The following CPNE3 variants were observed in gnomAD, a reference collection of about 807,000 sequenced individuals.
CPNE3 encodes copine-3.
A neutral mutation model predicts 63.9 loss-of-function variants in CPNE3; 68 were observed. The observed-to-expected ratio is 1.06, with a 90% confidence interval of 0.87 to 1.30. CPNE3 has a LOEUF of 1.30. Among genes scored for constraint, CPNE3 ranks in the 50% most tolerant of loss-of-function variants. The pLI, the probability that CPNE3 is intolerant of heterozygous loss-of-function variation, is 0.00. For synonymous variants in CPNE3, 219 were observed against 197.5 expected (o/e 1.11, Z -0.91); for missense variants, 665 against 578.1 (o/e 1.15, Z -1.54).
At chr8:86,553,664 C>A (rs375691897) in intron 14 of CPNE3, among the ~76,000 whole-genome samples, 3 of 151,966 alleles carry the variant, frequency 2.0e-5, no homozygotes, top group African/African-American at 7.2e-5. Flanking sequence ...GTAAGTGACA[C>A]ATGACTGTAT....
At chr8:86,546,764 C>T (rs574508491) in intron 10 of CPNE3, 83 bp downstream of exon 10, 30 of 1,439,038 alleles carry the variant, frequency 2.1e-5, no homozygotes, top group Middle Eastern at 2.5e-4. Context: ...CAGGCTGGAG[C>T]GCAGTGGTGT....
At chr8:86,549,337 G>C (rs1370392930) in intron 12 of CPNE3, among the ~76,000 whole-genome samples, 1 of 152,068 alleles carries the variant, frequency 6.6e-6, no homozygotes, top group African/African-American at 2.4e-5. Flanking sequence ...AGTAGTGAGA[G>C]CTTAGAAAGG....
chr8:86,524,653 A>G (rs547325216), intron 2 of CPNE3: 3 of 148,276 alleles, frequency 2.0e-5, no homozygotes, highest in African/African-American at 7.3e-5. Context: ...AAGAGTATAA[A>G]ACGTTTGTTT....
chr8:86,535,093 A>G (rs1820774907), intron 6 of CPNE3, among the ~76,000 whole-genome samples: 1 of 152,194 alleles, frequency 6.6e-6, no homozygotes, highest in African/African-American at 2.4e-5. Context: ...TGGGATGACA[A>G]GAGCTTCAAA....
intron 8 of CPNE3, 94 bp downstream of exon 8, chr8:86,540,428 A>G (rs1208475261): frequency 7.3e-6 from 4 of 551,190 alleles, no homozygotes; most frequent in African/African-American, 2.0e-5. Context: ...TAAAGAAAGT[A>G]AATGATGTAA....
intron 2 of CPNE3, among the ~76,000 whole-genome samples, chr8:86,526,967 T>A (rs1820555502): frequency 6.6e-6 from 1 of 152,214 alleles, no homozygotes. Flanking sequence ...ATTATCAAAA[T>A]TTTTAAATAA....
In CPNE3 at chr8:86,551,043, T is replaced by A; in HGVS notation, c.1014-3T>A. 6.3e-7 allele frequency: 1 copy of A among 1,588,520 alleles called. No individual in the cohort carries two copies. Among genetic ancestry groups the A allele is most frequent in the Non-Finnish European group, 8.6e-7 (1 of 1,167,960 alleles). On this transcript the variant is annotated splice_region_variant and splice_polypyrimidine_tract_variant and intron_variant, in intron 12 of 16. Transcript: ENST00000517490. ...ATTTTATTAAATATTTTTTTCTTTTTAGTGATAAGATGTTTCCAGCTTTTG... is the reference window on the plus strand; with the variant it reads ...ATTTTATTAAATATTTTTTTCTTTTAAGTGATAAGATGTTTCCAGCTTTTG...
At chr8:86,546,522 A>G (rs1452631124) in intron 9 of CPNE3, 73 bp from the exon 10 acceptor site, 1 of 1,491,438 alleles carries the variant, frequency 6.7e-7, no homozygotes, top group East Asian at 2.3e-5. Flanking sequence ...AAAAAAAGTC[A>G]TTCATTTAAA....
chr8:86,520,252 T>C (rs1041843560), intron 2 of CPNE3, among the ~76,000 whole-genome samples: 4 of 152,186 alleles, frequency 2.6e-5, no homozygotes, highest in African/African-American at 9.6e-5. Flanking sequence ...CTCTTAGGTT[T>C]AACAGCTGAA....
At chr8:86,540,709 T>C (rs1223207230) in intron 8 of CPNE3, among the ~76,000 whole-genome samples, 2 of 152,216 alleles carry the variant, frequency 1.3e-5, no homozygotes, top group East Asian at 3.9e-4. Context: ...TAGAAGCAGA[T>C]GTTACCGTAA....
At chr8:86,540,178 G>C in intron 7 of CPNE3, 67 bp from the exon 8 acceptor site, 1 of 907,316 alleles carries the variant, frequency 1.1e-6, no homozygotes. Flanking sequence ...AACCTAGGAA[G>C]GGCAGGAGCA....
intron 7 of CPNE3, among the ~76,000 whole-genome samples, chr8:86,539,669 T>TTG (rs1218921363): frequency 1.4e-5 from 2 of 146,398 alleles, no homozygotes; most frequent in Non-Finnish European, 3.0e-5. Context: ...AGTTTTTTTT[T>TTG]TTTTTTTTTT....
chr8:86,547,664 C>T (rs1389924886), intron 10 of CPNE3, 47 bp from the exon 11 acceptor site: 5 of 833,050 alleles, frequency 6.0e-6, no homozygotes, highest in Admixed American at 5.8e-5. Context: ...TTTTGCTTCT[C>T]TTGTATAGTA....
chr8:86,552,636 C>G (rs1821206956), intron 14 of CPNE3, among the ~76,000 whole-genome samples: 1 of 151,240 alleles, frequency 6.6e-6, no homozygotes, highest in Non-Finnish European at 1.5e-5. Flanking sequence ...TACTATACAG[C>G]AAAAAGCTCA....
Position 86,558,446 on chromosome 8 carries a change from A to G in CPNE3, c.*36A>G, listed in dbSNP as rs1821370461. The G allele has an allele frequency of 1.1e-6, 1 of 871,996 alleles. No individual in the cohort carries two copies. Among genetic ancestry groups the G allele is most frequent in the Non-Finnish European group, 2.0e-6 (1 of 501,014 alleles). 54.0% of individuals were successfully genotyped at this position (871,996 alleles called of 1,614,324 possible). On this transcript the variant is annotated 3_prime_UTR_variant, in exon 17 of 17. Coordinates refer to ENST00000517490, the MANE Select transcript of CPNE3 (RefSeq NM_003909.5). ...AGAATTCTTTTGTGTTATGTGGAGC[A>G]ATGCCATCTCTCACCCCAAATCGTG...
chr8:86,536,178 A>C (rs1000608791), intron 6 of CPNE3, among the ~76,000 whole-genome samples: 7 of 151,018 alleles, frequency 4.6e-5, no homozygotes, highest in Non-Finnish European at 7.4e-5. Context: ...TCTGTTTCCT[A>C]AATATCTAAG....
At chr8:86,546,891 A>G (rs1184646196) in intron 10 of CPNE3, among the ~76,000 whole-genome samples, 3 of 152,060 alleles carry the variant, frequency 2.0e-5, no homozygotes, top group Non-Finnish European at 4.4e-5. Flanking sequence ...TTGTATTTTT[A>G]GTGGAGACAG....
chr8:86,554,585 C>T (rs774203671), intron 14 of CPNE3, among the ~76,000 whole-genome samples: 15 of 152,180 alleles, frequency 9.9e-5, no homozygotes, highest in Non-Finnish European at 1.6e-4. Flanking sequence ...ACAGATGTAA[C>T]AGTCCTACCG....
intron 8 of CPNE3, among the ~76,000 whole-genome samples, chr8:86,542,690 G>A (rs1820967014): frequency 6.6e-6 from 1 of 151,790 alleles, no homozygotes; most frequent in South Asian, 2.1e-4. Flanking sequence ...ACTGGTCTTT[G>A]AATTCTTGAA....
Sources: gnomAD v4.1 joint callset for allele counts (sites outside exome capture counted in the v4.1 genomes callset) on GRCh38, gnomAD v4.1.1 for gene constraint, MANE v1.5 for transcripts, NCBI Gene and HGNC (gene_info 2026-07-23, HGNC 2026-07-21) for gene names.